SMAD5: variants seen among roughly 807,000 people sequenced by gnomAD.
SMAD5 encodes the protein SMAD family member 5, also known as MAD, mothers against decapentaplegic homolog 5.
Under a neutral mutation model 43.1 loss-of-function variants are expected in SMAD5, and 9 were observed. That is an observed-to-expected ratio of 0.21 (90% CI 0.13 to 0.36). SMAD5 has a LOEUF of 0.36. Ranked by LOEUF, SMAD5 falls within the 10% of genes least tolerant of loss-of-function variation. SMAD5 has a pLI of 1.00. For synonymous variants in SMAD5, 190 were observed against 192.4 expected (o/e 0.99, Z 0.10); for missense variants, 348 against 574.0 (o/e 0.61, Z 4.02).
chr5:136,172,212 C>G (rs564320154), intron 5 of SMAD5, among the ~76,000 whole-genome samples: 2 of 152,270 alleles, frequency 1.3e-5, no homozygotes, highest in East Asian at 3.9e-4. Context: ...CGACTATTGC[C>G]GATCCTGGTA....
intron 1 of SMAD5, among the ~76,000 whole-genome samples, chr5:136,143,337 C>T (rs1420597616): frequency 6.7e-6 from 1 of 149,776 alleles, no homozygotes; most frequent in Non-Finnish European, 1.5e-5. Context: ...TGGTTTTCAT[C>T]TACGCTTTGT....
At chr5:136,141,335 A>G (rs533083873) in intron 1 of SMAD5, among the ~76,000 whole-genome samples, 5 of 152,316 alleles carry the variant, frequency 3.3e-5, no homozygotes, top group Non-Finnish European at 5.9e-5. Flanking sequence ...TTGTAGTAAC[A>G]GGACACACTG....
intron 2 of SMAD5, among the ~76,000 whole-genome samples, chr5:136,150,023 A>G (rs570876769): frequency 6.6e-6 from 1 of 151,890 alleles, no homozygotes; most frequent in Non-Finnish European, 1.5e-5. Flanking sequence ...AATCTTCTGC[A>G]GTACCATTGT....
At chr5:136,175,098 A>C (rs989888103) in intron 7 of SMAD5, among the ~76,000 whole-genome samples, 1 of 152,198 alleles carries the variant, frequency 6.6e-6, no homozygotes, top group African/African-American at 2.4e-5. Context: ...AGAGAATGAG[A>C]GCCAAATGAA....
chr5:136,152,698 C>G (rs1032496542), intron 2 of SMAD5: 1 of 152,110 alleles, frequency 6.6e-6, no homozygotes, highest in African/African-American at 2.4e-5. Context: ...CTATGTTGCT[C>G]AGACTGGACG....
At chr5:136,164,215 G>T (rs1006393201) in intron 5 of SMAD5, among the ~76,000 whole-genome samples, 1 of 152,020 alleles carries the variant, frequency 6.6e-6, no homozygotes, top group Admixed American at 6.5e-5. Flanking sequence ...AACAAAAATC[G>T]CATGTAAGTC....
intron 1 of SMAD5, among the ~76,000 whole-genome samples, chr5:136,137,425 A>AT (rs1216784911): frequency 1.3e-5 from 2 of 152,176 alleles, no homozygotes; most frequent in African/African-American, 4.8e-5. Context: ...AATAGAAAAA[A>AT]ACTAGTGTCC....
intron 5 of SMAD5, among the ~76,000 whole-genome samples, chr5:136,168,382 A>C (rs1042695746): frequency 7.1e-6 from 1 of 140,386 alleles, no homozygotes; most frequent in Non-Finnish European, 1.5e-5. Flanking sequence ...CCCAAAGATA[A>C]TGTTCATTTA....
chr5:136,137,512 T>A (rs751469360), intron 1 of SMAD5, among the ~76,000 whole-genome samples: 11 of 152,196 alleles, frequency 7.2e-5, no homozygotes, highest in Non-Finnish European at 1.0e-4. Context: ...AACTATGATC[T>A]CAGAATATGG....
chr5:136,143,418 A>G (rs1410108399), intron 1 of SMAD5, among the ~76,000 whole-genome samples: 1 of 151,732 alleles, frequency 6.6e-6, no homozygotes, highest in Non-Finnish European at 1.5e-5. Flanking sequence ...CTCTTCGAAC[A>G]TGTCTTTCGG....
chr5:136,144,495 T>A (rs1191688157), intron 1 of SMAD5, among the ~76,000 whole-genome samples: 1 of 151,842 alleles, frequency 6.6e-6, no homozygotes, highest in East Asian at 1.9e-4. Context: ...CTATGGAGGT[T>A]TATTGCAAAA....
chr5:136,175,308 A>T (rs1561659885), intron 7 of SMAD5, among the ~76,000 whole-genome samples: 1 of 152,186 alleles, frequency 6.6e-6, no homozygotes, highest in Non-Finnish European at 1.5e-5. Flanking sequence ...TAATATTAAA[A>T]TTGCTATTTG....
Position 136,181,891 on chromosome 5 carries a change from A to G in SMAD5, c.*4411A>G, listed in dbSNP as rs1754639359. On this transcript the variant is annotated 3_prime_UTR_variant, in exon 8 of 8. Transcript: ENST00000545279. ...ATCAATTTTTATTTCTGTTTTGAAG[A>G]GCACATGCTATATAATAATTGCTAG... is the stretch of plus-strand genomic sequence containing the variant. The G allele has an allele frequency of 6.6e-6, 1 of 152,228 alleles. No homozygotes were observed. Among genetic ancestry groups the G allele is most frequent in the Admixed American group, 6.5e-5 (1 of 15,282 alleles). 9.4% of individuals were successfully genotyped at this position (152,228 alleles called of 1,614,324 possible). A position where few individuals can be genotyped will look rare whatever the true frequency, so the allele number is the denominator to read the frequency against.
At chr5:136,168,342 A>T (rs1276696838) in intron 5 of SMAD5, among the ~76,000 whole-genome samples, 1 of 152,186 alleles carries the variant, frequency 6.6e-6, no homozygotes, top group Non-Finnish European at 1.5e-5. Context: ...CAGTTCTGGC[A>T]TGTAAAATTT....
intron 6 of SMAD5, among the ~76,000 whole-genome samples, chr5:136,173,102 A>G (rs1754282874): frequency 6.6e-6 from 1 of 152,192 alleles, no homozygotes; most frequent in Non-Finnish European, 1.5e-5. Flanking sequence ...AAGTGTTACC[A>G]TGATGTGAGA....
intron 3 of SMAD5, among the ~76,000 whole-genome samples, chr5:136,160,006 A>T (rs1753773453): frequency 6.6e-6 from 1 of 152,230 alleles, no homozygotes; most frequent in Non-Finnish European, 1.5e-5. Flanking sequence ...TTGAAGAATC[A>T]GGTTTGTTTC....
intron 1 of SMAD5, among the ~76,000 whole-genome samples, chr5:136,139,912 T>C (rs1238220082): frequency 6.6e-6 from 1 of 152,098 alleles, no homozygotes; most frequent in Non-Finnish European, 1.5e-5. Context: ...TTTTAAAAAC[T>C]ATGTTGCCCA....
In SMAD5 at chr5:136,155,222, A is replaced by G. The variant is rs183763689; in HGVS notation, c.403+1059A>G. On this transcript the variant is annotated intron_variant, in intron 3 of 7. Coordinates refer to ENST00000545279, the MANE Select transcript of SMAD5 (RefSeq NM_005903.7). ...CAGTTTTTTTTCTCTGGTTTCCCCTATTGAAGTGAATGGCAACAGCATTCA... is the reference window on the plus strand; with the variant it reads ...CAGTTTTTTTTCTCTGGTTTCCCCTGTTGAAGTGAATGGCAACAGCATTCA... Among the ~76,000 whole-genome samples the G allele has an allele frequency of 1.2e-4, 19 of 152,260 alleles. No individual in the cohort carries two copies. The Middle Eastern group carries it at 0.014, about 109-fold the overall frequency.
At chr5:136,163,932 G>A (rs1753910465) in intron 5 of SMAD5, among the ~76,000 whole-genome samples, 1 of 152,200 alleles carries the variant, frequency 6.6e-6, no homozygotes, top group Admixed American at 6.5e-5. Flanking sequence ...TGTAATCGTA[G>A]CACTTTGGGA....
Sources: allele counts gnomAD v4.1 joint callset (sites outside exome capture counted in the v4.1 genomes callset), GRCh38; gene constraint gnomAD v4.1.1; transcripts MANE v1.5; gene names NCBI Gene and HGNC (gene_info 2026-07-23, HGNC 2026-07-21).